The following TOX variants were observed in gnomAD, a reference collection of about 807,000 sequenced individuals.
The protein encoded by TOX is thymocyte selection-associated high mobility group box protein TOX.
In TOX, 11 loss-of-function variants were observed where a neutral mutation model predicts 53.7. That is an observed-to-expected ratio of 0.20 (90% CI 0.13 to 0.34). TOX has a LOEUF of 0.34. Ranked by LOEUF, TOX falls within the 10% of genes least tolerant of loss-of-function variation. TOX has a pLI of 1.00. For missense variants in TOX, 570 were observed against 664.6 expected (o/e 0.86, Z 1.56); for synonymous variants, 225 against 245.3 (o/e 0.92, Z 0.77).
intron 1 of TOX, among the ~76,000 whole-genome samples, chr8:59,056,661 A>T (rs373469513): frequency 4.6e-5 from 7 of 152,032 alleles, no homozygotes; most frequent in Non-Finnish European, 7.4e-5. Flanking sequence ...TTCGTTATAT[A>T]AAAAAATGCA....
chr8:59,087,688 A>G (rs899550661), intron 1 of TOX, among the ~76,000 whole-genome samples: 1 of 152,226 alleles, frequency 6.6e-6, no homozygotes, highest in Non-Finnish European at 1.5e-5. Context: ...ATTAATTAAA[A>G]TGTTCGAGAT....
intron 3 of TOX, among the ~76,000 whole-genome samples, chr8:58,894,826 G>C (rs1811613847): frequency 6.6e-6 from 1 of 152,082 alleles, no homozygotes; most frequent in African/African-American, 2.4e-5. Context: ...AACCCAGGAG[G>C]TGGAGGTTGC....
intron 1 of TOX, among the ~76,000 whole-genome samples, chr8:59,013,770 C>T (rs1180210833): frequency 1.3e-5 from 2 of 152,202 alleles, no homozygotes; most frequent in African/African-American, 2.4e-5. Context: ...CCCCAAATTT[C>T]CCCATCTGAA....
intron 6 of TOX, among the ~76,000 whole-genome samples, chr8:58,825,546 G>A (rs1199063476): frequency 6.6e-6 from 1 of 152,136 alleles, no homozygotes; most frequent in Non-Finnish European, 1.5e-5. Context: ...GCTTTGTATT[G>A]GGATTGAGAC....
intron 1 of TOX, among the ~76,000 whole-genome samples, chr8:59,100,080 G>T (rs557843815): frequency 7.2e-4 from 110 of 151,946 alleles, no homozygotes; most frequent in Middle Eastern, 3.4e-3. Context: ...AAGAGCTTCT[G>T]AGTGAATTAT....
At chr8:59,000,112 G>A (rs1250032875) in intron 1 of TOX, among the ~76,000 whole-genome samples, 1 of 152,090 alleles carries the variant, frequency 6.6e-6, no homozygotes, top group African/African-American at 2.4e-5. Context: ...CTTTTTAGGG[G>A]TAGAATTTGA....
intron 3 of TOX, among the ~76,000 whole-genome samples, chr8:58,900,485 A>T (rs1195178846): frequency 6.6e-6 from 1 of 152,170 alleles, no homozygotes; most frequent in African/African-American, 2.4e-5. Flanking sequence ...CTAGCATTTT[A>T]ATCATTTCTA....
intron 1 of TOX, among the ~76,000 whole-genome samples, chr8:59,018,421 C>A (rs372113): frequency 0.088 from 13,346 of 152,200 alleles, 1,241 homozygotes; most frequent in East Asian, 0.41. Context: ...AGTTTTATTT[C>A]AATATCAGGA....
intron 1 of TOX, among the ~76,000 whole-genome samples, chr8:58,996,153 T>C (rs1214814353): frequency 6.6e-6 from 1 of 152,226 alleles, no homozygotes; most frequent in African/African-American, 2.4e-5. Flanking sequence ...TCCCTGAAAA[T>C]GCTTTGCATG....
At chr8:59,053,025 G>A (rs1185805188) in intron 1 of TOX, among the ~76,000 whole-genome samples, 1 of 152,056 alleles carries the variant, frequency 6.6e-6, no homozygotes, top group African/African-American at 2.4e-5. Flanking sequence ...ATTCCATATG[G>A]CAATAAAACT....
intron 1 of TOX, among the ~76,000 whole-genome samples, chr8:59,105,159 C>T (rs540632584): frequency 6.6e-6 from 1 of 152,258 alleles, no homozygotes; most frequent in African/African-American, 2.4e-5. Context: ...ATTCTCATTT[C>T]ATCCCTATGC....
intron 1 of TOX, among the ~76,000 whole-genome samples, chr8:59,050,574 G>A (rs1037132305): frequency 1.3e-5 from 2 of 151,972 alleles, no homozygotes; most frequent in African/African-American, 4.8e-5. Context: ...GAACTCTACG[G>A]TAAATTTTAA....
chr8:58,891,094 C>T (rs1341752479), intron 3 of TOX, among the ~76,000 whole-genome samples: 1 of 152,042 alleles, frequency 6.6e-6, no homozygotes, highest in African/African-American at 2.4e-5. Context: ...AGGAAAAGGG[C>T]AGGCCACCTT....
At chr8:59,040,320 C>T (rs1803553972) in intron 1 of TOX, among the ~76,000 whole-genome samples, 1 of 119,006 alleles carries the variant, frequency 8.4e-6, no homozygotes, top group East Asian at 2.5e-4. Flanking sequence ...CAGAGCGAGA[C>T]TCCGTCTCAA....
intron 1 of TOX, among the ~76,000 whole-genome samples, chr8:59,024,133 C>T (rs1814192603): frequency 6.6e-6 from 1 of 152,198 alleles, no homozygotes; most frequent in African/African-American, 2.4e-5. Context: ...GGATTATAAA[C>T]TTCTTGATGG....
At chr8:58,892,375 C>G (rs1563381198) in intron 3 of TOX, among the ~76,000 whole-genome samples, 1 of 152,074 alleles carries the variant, frequency 6.6e-6, no homozygotes, top group African/African-American at 2.4e-5. Context: ...AATAAAACTG[C>G]CTTTCCTGGT....
intron 2 of TOX, among the ~76,000 whole-genome samples, chr8:58,949,665 C>G (rs1379776780): frequency 6.6e-6 from 1 of 151,952 alleles, no homozygotes; most frequent in Non-Finnish European, 1.5e-5. Flanking sequence ...TTTTAATATA[C>G]TATTTTAAAT....
At chr8:59,064,251 T>C (rs10504283) in intron 1 of TOX, among the ~76,000 whole-genome samples, 5,701 of 152,320 alleles carry the variant, frequency 0.037, 212 homozygotes, top group African/African-American at 0.096. Context: ...CTGAAAATCA[T>C]GGCTTCTCTG....
chr8:58,959,630 A>T (rs1812768704), intron 2 of TOX, among the ~76,000 whole-genome samples: 1 of 152,212 alleles, frequency 6.6e-6, no homozygotes, highest in Non-Finnish European at 1.5e-5. Flanking sequence ...CTACAGTCAG[A>T]AGCACAAATA....
Sources: allele counts gnomAD v4.1 joint callset (sites outside exome capture counted in the v4.1 genomes callset), GRCh38; gene constraint gnomAD v4.1.1; transcripts MANE v1.5; gene names NCBI Gene and HGNC (gene_info 2026-07-23, HGNC 2026-07-21).